CNTNAP2: variants seen among roughly 807,000 people sequenced by gnomAD.
CNTNAP2 encodes contactin associated protein 2.
A neutral mutation model predicts 155.2 loss-of-function variants in CNTNAP2; 98 were observed. That is an observed-to-expected ratio of 0.63 (90% CI 0.54 to 0.75). CNTNAP2 has a LOEUF of 0.75. Ranked by LOEUF, CNTNAP2 falls within the 30% of genes least tolerant of loss-of-function variation. The pLI, the probability that CNTNAP2 is intolerant of heterozygous loss-of-function variation, is 0.00. For synonymous variants in CNTNAP2, 651 were observed against 631.2 expected, an observed-to-expected ratio of 1.03 and a Z score of -0.47; for missense variants, 1,727 against 1,688.1, an observed-to-expected ratio of 1.02 and a Z score of -0.40.
intron 1 of CNTNAP2, among the ~76,000 whole-genome samples, chr7:146,587,346 G>A (rs79511104): frequency 0.012 from 1,821 of 152,180 alleles, 14 homozygotes; most frequent in Middle Eastern, 0.024. Flanking sequence ...CAGCCTCTCC[G>A]ATATCTTTTA....
At chr7:147,029,549 G>T (rs1584792978) in intron 3 of CNTNAP2, among the ~76,000 whole-genome samples, 3 of 147,676 alleles carry the variant, frequency 2.0e-5, no homozygotes, top group Admixed American at 6.8e-5. Flanking sequence ...TGTAAAAAGG[G>T]TTTTTTTTTT....
At chr7:147,889,572 T>G (rs1799653608) in intron 13 of CNTNAP2, among the ~76,000 whole-genome samples, 1 of 152,186 alleles carries the variant, frequency 6.6e-6, no homozygotes, top group Non-Finnish European at 1.5e-5. Context: ...TACCTAATGC[T>G]AAACTTGGGA....
chr7:147,546,627 T>A (rs1433031882), intron 11 of CNTNAP2, among the ~76,000 whole-genome samples: 1 of 152,192 alleles, frequency 6.6e-6, no homozygotes, highest in Non-Finnish European at 1.5e-5. Flanking sequence ...AGTTAAATAC[T>A]CAATATGATT....
intron 1 of CNTNAP2, among the ~76,000 whole-genome samples, chr7:146,367,925 C>G (rs546818454): frequency 2.3e-4 from 35 of 152,164 alleles, no homozygotes; most frequent in Middle Eastern, 3.4e-3. Context: ...AGTGAGGACT[C>G]CCTGGCCAGT....
chr7:146,662,200 C>A (rs185977850), intron 1 of CNTNAP2, among the ~76,000 whole-genome samples: 1 of 151,960 alleles, frequency 6.6e-6, no homozygotes, highest in Non-Finnish European at 1.5e-5. Flanking sequence ...TGCAATGGCA[C>A]GACCTGGGCT....
Position 146,940,740 on chromosome 7 carries a change from C to G in CNTNAP2, c.402+100836C>G, listed in dbSNP as rs536687208. 2.1e-4 allele frequency among the ~76,000 whole-genome samples: 32 copies of G among 151,642 alleles called. 2 individuals carry two copies. The South Asian group carries it at 6.7e-3, about 32-fold the overall frequency. ...ACAATATGGTGTGTATATATATACA[C>G]ACACACTGCACTATATATATATACA... On this transcript the variant is annotated intron_variant, in intron 3 of 23. Coordinates refer to ENST00000361727, the MANE Select transcript of CNTNAP2 (RefSeq NM_014141.6).
intron 9 of CNTNAP2, among the ~76,000 whole-genome samples, chr7:147,302,039 A>T (rs1023287642): frequency 4.6e-5 from 7 of 152,324 alleles, no homozygotes; most frequent in Non-Finnish European, 1.0e-4. Context: ...CTCTCAATAA[A>T]TATTTGATGA....
intron 1 of CNTNAP2, among the ~76,000 whole-genome samples, chr7:146,721,833 AG>A (rs1200356676): frequency 7.8e-5 from 9 of 115,564 alleles, no homozygotes; most frequent in Non-Finnish European, 1.4e-4. Flanking sequence ...GACTATATAT[AG>A]TCTATATATA....
At chr7:147,022,331 C>A (rs946757983) in intron 3 of CNTNAP2, among the ~76,000 whole-genome samples, 1 of 152,082 alleles carries the variant, frequency 6.6e-6, no homozygotes, top group Admixed American at 6.6e-5. Flanking sequence ...AACTTCCTAC[C>A]CAACCCTCCC....
At chr7:147,196,436 A>G (rs572138491) in intron 8 of CNTNAP2, among the ~76,000 whole-genome samples, 26 of 152,360 alleles carry the variant, frequency 1.7e-4, no homozygotes, top group African/African-American at 6.3e-4. Context: ...TACTTTTGTT[A>G]AGACACAAAC....
intron 1 of CNTNAP2, among the ~76,000 whole-genome samples, chr7:146,165,676 C>T (rs1798301777): frequency 6.6e-6 from 1 of 152,126 alleles, no homozygotes; most frequent in South Asian, 2.1e-4. Context: ...AAAATCCCCA[C>T]TTTATTATGT....
intron 1 of CNTNAP2, among the ~76,000 whole-genome samples, chr7:146,411,308 C>T (rs746202350): frequency 1.3e-5 from 2 of 151,890 alleles, no homozygotes; most frequent in Non-Finnish European, 2.9e-5. Flanking sequence ...AGGCATGCAG[C>T]CACCACTCCT....
At chr7:147,888,878 G>C (rs1463349544) in intron 13 of CNTNAP2, among the ~76,000 whole-genome samples, 1 of 151,830 alleles carries the variant, frequency 6.6e-6, no homozygotes, top group African/African-American at 2.4e-5. Context: ...GTCTGAGATA[G>C]AAAAAAGAGG....
intron 9 of CNTNAP2, among the ~76,000 whole-genome samples, chr7:147,383,285 C>A (rs570830052): frequency 6.6e-6 from 1 of 151,924 alleles, no homozygotes; most frequent in African/African-American, 2.4e-5. Context: ...AAATACAGAG[C>A]GGTCTATAAG....
At chr7:147,927,018 A>T (rs1286667362) in intron 14 of CNTNAP2, among the ~76,000 whole-genome samples, 1 of 152,238 alleles carries the variant, frequency 6.6e-6, no homozygotes, top group African/African-American at 2.4e-5. Context: ...ATTCACTTCC[A>T]AAGTCAGCTC....
chr7:147,740,152 T>A (rs945430857), intron 13 of CNTNAP2, among the ~76,000 whole-genome samples: 13 of 152,232 alleles, frequency 8.5e-5, no homozygotes, highest in Non-Finnish European at 1.3e-4. Context: ...ATTAATTAGG[T>A]TAGCTCCTAT....
At position 147,689,049 on chromosome 7, in the gene CNTNAP2, G is replaced by A. The variant is rs76100364; in HGVS notation, c.2098+49743G>A. 3.3e-3 allele frequency among the ~76,000 whole-genome samples: 497 copies of A among 152,016 alleles called. 28 individuals are homozygous for A. In the East Asian group the frequency reaches 0.079, roughly 24 times the overall value. ...GTTTCTGGATCTTATTTAACCCTTGGGGAAAAACCAGTCCTTGAATTAAAA... is the reference window on the plus strand; with the variant it reads ...GTTTCTGGATCTTATTTAACCCTTGAGGAAAAACCAGTCCTTGAATTAAAA... On this transcript the variant is annotated intron_variant, in intron 13 of 23. Transcript: ENST00000361727.
At chr7:147,562,049 T>G in intron 11 of CNTNAP2, 89 bp from the exon 12 acceptor site, 1 of 1,537,072 alleles carries the variant, frequency 6.5e-7, no homozygotes, top group South Asian at 1.1e-5. Context: ...ACTAGTGGTT[T>G]GCTAGCATTG....
At chr7:147,274,184 G>A (rs1804838772) in intron 8 of CNTNAP2, among the ~76,000 whole-genome samples, 1 of 152,000 alleles carries the variant, frequency 6.6e-6, no homozygotes, top group Non-Finnish European at 1.5e-5. Flanking sequence ...ACAGTAGTGG[G>A]ATGGCTGGAT....
Sources: allele counts gnomAD v4.1 joint callset (sites outside exome capture counted in the v4.1 genomes callset), GRCh38; gene constraint gnomAD v4.1.1; transcripts MANE v1.5; gene names NCBI Gene and HGNC (gene_info 2026-07-23, HGNC 2026-07-21).